The following TMEM41B variants were observed in gnomAD, a reference collection of about 807,000 sequenced individuals.
The protein encoded by TMEM41B is protein stasimon.
TMEM41B carries 18 observed loss-of-function variants against 31.9 expected under a neutral mutation model. The observed-to-expected ratio is 0.56, with a 90% confidence interval of 0.39 to 0.84. The LOEUF is 0.84. TMEM41B is among the 40% of genes least tolerant of loss of function. TMEM41B has a pLI of 0.00. For missense variants in TMEM41B, 322 were observed against 348.0 expected (o/e 0.93, Z 0.59); for synonymous variants, 144 against 124.3 (o/e 1.16, Z -1.05).
intron 2 of TMEM41B, among the ~76,000 whole-genome samples, chr11:9,295,920 G>A (rs747047924): frequency 4.0e-4 from 61 of 151,880 alleles, no homozygotes; most frequent in Admixed American, 6.6e-4. Flanking sequence ...GCATTGGCGC[G>A]ATCTCGGCTC....
At chr11:9,306,458 G>A (rs1015933166) in intron 1 of TMEM41B, among the ~76,000 whole-genome samples, 6 of 151,900 alleles carry the variant, frequency 3.9e-5, no homozygotes, top group African/African-American at 7.3e-5. Flanking sequence ...CGAGGCGGTC[G>A]GATCATGAGG....
chr11:9,283,224 C>T lies in TMEM41B; in HGVS notation c.*200G>A. 2.1e-6 allele frequency: 1 copy of T among 468,028 alleles called. No individual in the cohort carries two copies. Among genetic ancestry groups the T allele is most frequent in the Admixed American group, 4.0e-5 (1 of 25,158 alleles). 29.0% of individuals were successfully genotyped at this position (468,028 alleles called of 1,614,324 possible). On this transcript the variant is annotated 3_prime_UTR_variant, in exon 7 of 7. Transcript: ENST00000528080. ...ATGTCTACCTTAACTATTGATAGCA[C>T]TTTTCACAGTATACCAATTTCCATT... is the stretch of plus-strand genomic sequence containing the variant.
At chr11:9,310,186 C>T (rs1853522392) in intron 1 of TMEM41B, among the ~76,000 whole-genome samples, 1 of 151,594 alleles carries the variant, frequency 6.6e-6, no homozygotes, top group South Asian at 2.1e-4. Flanking sequence ...CAGGTGTGCA[C>T]CACCATGCCC....
At position 9,280,927 on chromosome 11, in the gene TMEM41B, T is replaced by C. The variant is rs1031540997; in HGVS notation, c.*2497A>G. Reference sequence around the variant, plus strand: ...AAATCCGTGAAGACAGGCCATCAACTGCATTGAGGGTACAGCCTTGCTGAA... The same window carrying C: ...AAATCCGTGAAGACAGGCCATCAACCGCATTGAGGGTACAGCCTTGCTGAA... On this transcript the variant is annotated 3_prime_UTR_variant, in exon 7 of 7. Transcript: ENST00000528080. 1 of 152,182 alleles carries C rather than the reference T, an allele frequency of 6.6e-6. No individual in the cohort carries two copies. The highest frequency in any genetic ancestry group is 1.5e-5 in the Non-Finnish European group (1 of 68,034). 9.4% of individuals were successfully genotyped at this position (152,182 alleles called of 1,614,324 possible). A position where few individuals can be genotyped will look rare whatever the true frequency, so the allele number is the denominator to read the frequency against.
Position 9,295,377 on chromosome 11 carries a change from CTCTT to C in TMEM41B, c.246_249del (p.Arg83Ter), listed in dbSNP as rs1328399982. On this transcript the variant is annotated frameshift_variant, in exon 3 of 7. Coordinates refer to ENST00000528080, the MANE Select transcript of TMEM41B (RefSeq NM_015012.4). LOFTEE classifies it high-confidence loss of function. ...ATATCTCTGGGAACCTTCATATTCA[CTCTT>C]TCTTCTCTGAAGAAATAAAGTGAAA... The C allele has an allele frequency of 6.4e-7, 1 of 1,573,744 alleles. No individual in the cohort carries two copies.
intron 2 of TMEM41B, among the ~76,000 whole-genome samples, chr11:9,297,803 C>T (rs1853136074): frequency 6.6e-6 from 1 of 152,042 alleles, no homozygotes; most frequent in Non-Finnish European, 1.5e-5. Context: ...GACTAAAGGC[C>T]TGAGTCCTCA....
intron 2 of TMEM41B, among the ~76,000 whole-genome samples, chr11:9,298,259 G>A (rs1693049199): frequency 6.6e-6 from 1 of 151,324 alleles, no homozygotes; most frequent in African/African-American, 2.4e-5. Flanking sequence ...AGGAGTTCAA[G>A]ACCAGCTTGG....
rs1282823876 is a variant in TMEM41B, at chr11:9,283,537, T to C, written c.763A>G (p.Thr255Ala). ...CAGGAAACAGCTTCTCCTGCTGTTGTAAGTTGATACAGTGTTGTTCCTGCC... is the reference window on the plus strand; with the variant it reads ...CAGGAAACAGCTTCTCCTGCTGTTGCAAGTTGATACAGTGTTGTTCCTGCC... ...IKAGTTLYQL[T>A]TAGEAVSWNS... The change falls in exon 7 of 7, where the codon ACA (threonine) becomes GCA (alanine). Residue 255 changes from threonine (T) to alanine (A), a missense_variant. Coordinates refer to ENST00000528080, the MANE Select transcript of TMEM41B (RefSeq NM_015012.4). 2 of 1,613,626 alleles carry C rather than the reference T, an allele frequency of 1.2e-6. No individual in the cohort carries two copies. Among genetic ancestry groups the C allele is most frequent in the Non-Finnish European group, 1.7e-6 (2 of 1,179,846 alleles).
intron 3 of TMEM41B, among the ~76,000 whole-genome samples, chr11:9,290,400 C>T (rs918864019): frequency 6.6e-6 from 1 of 152,036 alleles, no homozygotes; most frequent in African/African-American, 2.4e-5. Context: ...AACAAAACAT[C>T]ATATTATGGA....
intron 3 of TMEM41B, among the ~76,000 whole-genome samples, chr11:9,289,056 C>T (rs897666969): frequency 5.3e-5 from 8 of 152,194 alleles, no homozygotes; most frequent in African/African-American, 1.9e-4. Flanking sequence ...CAGGCTGGAA[C>T]GCAGTGGCGC....
chr11:9,296,504 T>TA (rs1232418172), intron 2 of TMEM41B, among the ~76,000 whole-genome samples: 2 of 148,110 alleles, frequency 1.4e-5, no homozygotes, highest in African/African-American at 5.0e-5. Flanking sequence ...TGCATGCCTG[T>TA]AATCCCAGCT....
intron 3 of TMEM41B, 82 bp downstream of exon 3, chr11:9,295,175 AAT>A (rs1590377953): frequency 7.8e-7 from 1 of 1,274,578 alleles, no homozygotes; most frequent in Non-Finnish European, 1.0e-6. Context: ...TTAAAAGGAA[AAT>A]AGTTATGTAT....
chr11:9,310,744 T>C (rs755626980), intron 1 of TMEM41B, among the ~76,000 whole-genome samples: 2 of 143,788 alleles, frequency 1.4e-5, no homozygotes, highest in Non-Finnish European at 3.0e-5. Context: ...TGAGATAGCA[T>C]ACTGGGCTAA....
intron 6 of TMEM41B, among the ~76,000 whole-genome samples, chr11:9,284,631 C>T (rs1161183495): frequency 1.3e-5 from 2 of 151,814 alleles, no homozygotes; most frequent in East Asian, 1.9e-4. Context: ...GGTGTGTTGG[C>T]GCACACCTGT....
At chr11:9,299,737 TAAAGGAA>T in intron 1 of TMEM41B, 36 bp from the exon 2 acceptor site, 1 of 1,404,032 alleles carries the variant, frequency 7.1e-7, no homozygotes, top group Non-Finnish European at 9.9e-7. Context: ...AAGATAAATA[TAAAGGAA>T]GACATGCTAG....
rs1302142834 is a variant in TMEM41B at position 9,287,619 on chromosome 11, T to C, written c.567+83A>G. 2.5e-5 allele frequency: 21 copies of C among 852,152 alleles called. No homozygotes were observed. The East Asian group carries it at 5.7e-4, about 23-fold the overall frequency. 52.8% of individuals were successfully genotyped at this position (852,152 alleles called of 1,614,324 possible). On this transcript the variant is annotated intron_variant, in intron 5 of 6. Coordinates refer to ENST00000528080, the MANE Select transcript of TMEM41B (RefSeq NM_015012.4). ...AATTAATTTATGTTGGGTTAATACA[T>C]GTAGTTAATTCATGTAGGGACTAAA... is the stretch of plus-strand genomic sequence containing the variant.
intron 6 of TMEM41B, among the ~76,000 whole-genome samples, chr11:9,285,824 A>G (rs887068068): frequency 1.3e-5 from 2 of 151,978 alleles, no homozygotes; most frequent in African/African-American, 4.8e-5. Flanking sequence ...AAAAAAAAAA[A>G]AAAAAGAAAG....
chr11:9,314,583 G>T lies in TMEM41B; in HGVS notation c.-142C>A. 1 of 1,202,260 alleles carries T rather than the reference G, an allele frequency of 8.3e-7. No individual in the cohort carries two copies. The highest frequency in any genetic ancestry group is 1.1e-6 in the Non-Finnish European group (1 of 888,052). The allele number at this position is 1,202,260 out of a possible 1,614,324, so 74.5% of individuals were successfully genotyped here. ...CCTCACCCGAGACGACCTCAGCCCA[G>T]CGAGTACTGCAACCTCCTGCAAACA... On this transcript the variant is annotated 5_prime_UTR_variant, in exon 1 of 7. In the 5' UTR this introduces an upstream ATG that the reference lacks. Coordinates refer to ENST00000528080, the MANE Select transcript of TMEM41B (RefSeq NM_015012.4).
At chr11:9,310,123 C>T (rs1853521323) in intron 1 of TMEM41B, among the ~76,000 whole-genome samples, 1 of 150,666 alleles carries the variant, frequency 6.6e-6, no homozygotes, top group Non-Finnish European at 1.5e-5. Flanking sequence ...GCAAACTCCA[C>T]CTCCTGGGTT....
Sources: gnomAD v4.1 joint callset for allele counts (sites outside exome capture counted in the v4.1 genomes callset) on GRCh38, gnomAD v4.1.1 for gene constraint, MANE v1.5 for transcripts, NCBI Gene and HGNC (gene_info 2026-07-23, HGNC 2026-07-21) for gene names.